ITGB6: variants seen among roughly 807,000 people sequenced by gnomAD.
ITGB6 encodes integrin subunit beta 6.
In ITGB6, 80 loss-of-function variants were observed where a neutral mutation model predicts 84.5. The observed-to-expected ratio is 0.95, with a 90% CI of 0.79 to 1.14. The LOEUF is 1.14. Ranked by LOEUF, ITGB6 falls within the 50% of genes most tolerant of loss-of-function variation. ITGB6 has a pLI of 0.00. For missense variants in ITGB6, 1,006 were observed against 968.0 expected, an observed-to-expected ratio of 1.04 and a Z score of -0.52; for synonymous variants, 383 against 354.9, an observed-to-expected ratio of 1.08 and a Z score of -0.89.
chr2:160,138,566 A>T (rs1683865334), intron 8 of ITGB6, among the ~76,000 whole-genome samples: 1 of 152,176 alleles, frequency 6.6e-6, no homozygotes, highest in Non-Finnish European at 1.5e-5. Context: ...AGTTGCATAG[A>T]TTGGCATATA....
chr2:160,102,406 TC>T (rs1696754299), intron 14 of ITGB6, among the ~76,000 whole-genome samples: 1 of 152,192 alleles, frequency 6.6e-6, no homozygotes, highest in East Asian at 1.9e-4. Flanking sequence ...TGAGGAACCA[TC>T]CTCTGGACAG....
intron 4 of ITGB6, among the ~76,000 whole-genome samples, chr2:160,175,520 G>T (rs1202792181): frequency 6.6e-6 from 1 of 152,124 alleles, no homozygotes; most frequent in Non-Finnish European, 1.5e-5. Context: ...CTTTTTCACG[G>T]TCTACATAGT....
rs1441625961 is a variant in ITGB6 at position 160,128,281 on chromosome 2, A to AC, written c.1661-1681_1661-1680insG. 3.3e-4 allele frequency among the ~76,000 whole-genome samples: 50 copies of AC among 151,900 alleles called. 1 individual carries two copies. The highest frequency in any genetic ancestry group is 4.4e-5 in the Non-Finnish European group (3 of 67,996). On this transcript the variant is annotated intron_variant, in intron 10 of 14. Transcript: ENST00000283249. ...AGATACGGGTAGACAATACAAAAAA[A>AC]AAAAAAGGTTCTATGCATTTCAGGA...
At chr2:160,185,040 G>A (rs1219101501) in intron 4 of ITGB6, among the ~76,000 whole-genome samples, 9 of 152,214 alleles carry the variant, frequency 5.9e-5, no homozygotes, top group African/African-American at 1.2e-4. Flanking sequence ...ATGGGCAAAA[G>A]CTGGAAGCAT....
chr2:160,141,044 T>A (rs1312632586), intron 8 of ITGB6, among the ~76,000 whole-genome samples: 2 of 152,184 alleles, frequency 1.3e-5, no homozygotes, highest in Non-Finnish European at 2.9e-5. Context: ...CAGTACATGC[T>A]AAATGTTGGC....
At chr2:160,135,662 G>A (rs1478244439) in intron 10 of ITGB6, among the ~76,000 whole-genome samples, 1 of 151,430 alleles carries the variant, frequency 6.6e-6, no homozygotes, top group Non-Finnish European at 1.5e-5. Context: ...TATACTACAA[G>A]GCTACAGTAA....
intron 13 of ITGB6, 41 bp downstream of exon 13, chr2:160,112,039 T>A: frequency 6.2e-7 from 1 of 1,603,326 alleles, no homozygotes; most frequent in East Asian, 2.2e-5. Flanking sequence ...TTCTCCTGTG[T>A]AGTATCATTT....
intron 8 of ITGB6, among the ~76,000 whole-genome samples, chr2:160,139,296 A>G (rs1490570962): frequency 6.6e-6 from 1 of 152,206 alleles, no homozygotes; most frequent in African/African-American, 2.4e-5. Flanking sequence ...GTTGGCATTT[A>G]AAAAGCATAT....
chr2:160,167,977 G>C (rs530312358), intron 7 of ITGB6, among the ~76,000 whole-genome samples: 1 of 104,826 alleles, frequency 9.5e-6, no homozygotes, highest in South Asian at 4.0e-4. Context: ...ATTGTATTTG[G>C]GGGTATTTTA....
In ITGB6 at chr2:160,146,212, T is replaced by G. The variant is rs113880112; in HGVS notation, c.1018-4141A>C. 8.8e-3 allele frequency among the ~76,000 whole-genome samples: 1,337 copies of G among 152,320 alleles called. 29 individuals carry two copies. Among genetic ancestry groups the G allele is most frequent in the African/African-American group, 0.031 (1,291 of 41,566 alleles). ...TTTCTTGCTTTTATTATTATTTTAA[T>G]GGATGCATAATAAACTGCACATATT... On this transcript the variant is annotated intron_variant, in intron 7 of 14. Coordinates refer to ENST00000283249, the MANE Select transcript of ITGB6 (RefSeq NM_000888.5).
intron 2 of ITGB6, among the ~76,000 whole-genome samples, chr2:160,197,448 C>T (rs961751705): frequency 6.6e-6 from 1 of 152,142 alleles, no homozygotes; most frequent in African/African-American, 2.4e-5. Flanking sequence ...GATTAAATAC[C>T]TGTCTTACCT....
At chr2:160,104,236 G>A (rs1221797052) in intron 14 of ITGB6, among the ~76,000 whole-genome samples, 1 of 152,158 alleles carries the variant, frequency 6.6e-6, no homozygotes, top group Non-Finnish European at 1.5e-5. Flanking sequence ...TATTGCTGTT[G>A]TGTGTAATAG....
chr2:160,114,930 C>T (rs566511857), intron 12 of ITGB6, among the ~76,000 whole-genome samples: 6 of 152,292 alleles, frequency 3.9e-5, no homozygotes, highest in South Asian at 2.1e-4. Context: ...CACTGCTAGG[C>T]GGCAGCGAGG....
Position 160,154,264 on chromosome 2 carries a change from T to A in ITGB6, c.1018-12193A>T, listed in dbSNP as rs574528503. Among the ~76,000 whole-genome samples, 18 of 152,232 alleles carry A rather than the reference T, an allele frequency of 1.2e-4. No individual in the cohort carries two copies. The East Asian group carries it at 2.5e-3, about 21-fold the overall frequency. On this transcript the variant is annotated intron_variant, in intron 7 of 14. Transcript: ENST00000283249. ...AATACTATGCAGCCATAAAAAAGGA[T>A]GAGTTCATGTCCTTTTTAGGGACAT...
chr2:160,158,870 G>C (rs77679302), intron 7 of ITGB6, among the ~76,000 whole-genome samples: 23,303 of 152,150 alleles, frequency 0.15, 2,339 homozygotes, highest in East Asian at 0.32. Flanking sequence ...GGAGGCTGAG[G>C]GGGGTGGATC....
rs1336914628 is a variant in ITGB6, at chr2:160,172,663, A to T, written c.827T>A (p.Phe276Tyr). Reference sequence around the variant, plus strand: ...GCCTGCTAGTTTGCTGTCCATTCCAAAATGAGAATCAGCATCACTCACAAA... The same window carrying T: ...GCCTGCTAGTTTGCTGTCCATTCCATAATGAGAATCAGCATCACTCACAAA... ...LVFVSDADSH[F>Y]GMDSKLAGIV... Residue 276 changes from phenylalanine to tyrosine, a missense_variant, in exon 6 of 15, where the codon TTT becomes TAT. Phe to Tyr is a conservative substitution (Grantham distance 22, BLOSUM62 3). Transcript: ENST00000283249. 1 of 1,611,696 alleles carries T rather than the reference A, an allele frequency of 6.2e-7. No homozygotes were observed. Among genetic ancestry groups the T allele is most frequent in the Non-Finnish European group, 8.5e-7 (1 of 1,178,062 alleles).
chr2:160,185,800 G>T (rs544898816), intron 4 of ITGB6, among the ~76,000 whole-genome samples: 142 of 152,056 alleles, frequency 9.3e-4, no homozygotes, highest in Non-Finnish European at 1.7e-3. Context: ...CAGAACAGAG[G>T]CCTCAGAAAT....
At chr2:160,177,605 AT>A (rs943426916) in intron 4 of ITGB6, among the ~76,000 whole-genome samples, 2 of 151,012 alleles carry the variant, frequency 1.3e-5, no homozygotes, top group Non-Finnish European at 3.0e-5. Flanking sequence ...AAAATATTAC[AT>A]TTTTTTCTTT....
At chr2:160,134,153 AC>A (rs1295823207) in intron 10 of ITGB6, among the ~76,000 whole-genome samples, 1 of 152,038 alleles carries the variant, frequency 6.6e-6, no homozygotes, top group Non-Finnish European at 1.5e-5. Flanking sequence ...TTGATAGACC[AC>A]TAGCAAGACT....
Sources: gnomAD v4.1 joint callset for allele counts (sites outside exome capture counted in the v4.1 genomes callset) on GRCh38, gnomAD v4.1.1 for gene constraint, MANE v1.5 for transcripts, NCBI Gene and HGNC (gene_info 2026-07-23, HGNC 2026-07-21) for gene names.